Variants in JAKMIP2 observed in about 807,000 individuals in gnomAD.
JAKMIP2 encodes janus kinase and microtubule-interacting protein 2.
A neutral mutation model predicts 115.0 loss-of-function variants in JAKMIP2; 25 were observed. The observed-to-expected ratio is 0.22, with a 90% CI of 0.16 to 0.30. The LOEUF is 0.30. Among genes scored for constraint, JAKMIP2 ranks in the 10% least tolerant of loss-of-function variants. The probability of loss-of-function intolerance (pLI) is 1.00; values close to 1 mark genes in which losing one functional copy is unlikely to be tolerated. For missense variants in JAKMIP2, 642 were observed against 957.6 expected, an observed-to-expected ratio of 0.67 and a Z score of 4.35; for synonymous variants, 334 against 343.6, an observed-to-expected ratio of 0.97 and a Z score of 0.31.
At chr5:147,733,516 C>T (rs1753807036) in intron 1 of JAKMIP2, among the ~76,000 whole-genome samples, 1 of 152,080 alleles carries the variant, frequency 6.6e-6, no homozygotes, top group Non-Finnish European at 1.5e-5. Flanking sequence ...GCAGAACATG[C>T]AGGTTTGTTA....
chr5:147,688,273 C>G (rs967604539), intron 1 of JAKMIP2, among the ~76,000 whole-genome samples: 5 of 152,146 alleles, frequency 3.3e-5, no homozygotes, highest in Admixed American at 3.3e-4. Context: ...TAGGGCTTTT[C>G]ACTTAGAAAT....
rs117529403 is a variant in JAKMIP2, at chr5:147,672,689, C to T, written c.-148-735G>A. ...TATAAACAGTAAACTGTCTTTCCAC[C>T]TGGGTTGAATAAGAAAGGCTCGCTG... On this transcript the variant is annotated intron_variant, in intron 1 of 21. Coordinates refer to ENST00000616793, the MANE Select transcript of JAKMIP2 (RefSeq NM_001270941.2). 2.0e-5 allele frequency among the ~76,000 whole-genome samples: 3 copies of T among 152,100 alleles called. No homozygotes were observed. In the East Asian group the frequency reaches 5.8e-4, roughly 29 times the overall value.
intron 1 of JAKMIP2, among the ~76,000 whole-genome samples, chr5:147,732,237 A>C (rs1316651787): frequency 6.6e-6 from 1 of 151,886 alleles, no homozygotes; most frequent in Non-Finnish European, 1.5e-5. Context: ...CACTTAATAG[A>C]CTCTGTATAA....
intron 1 of JAKMIP2, among the ~76,000 whole-genome samples, chr5:147,757,446 C>T (rs1671543112): frequency 1.3e-5 from 2 of 152,010 alleles, no homozygotes; most frequent in African/African-American, 4.8e-5. Flanking sequence ...AAAAGACCTT[C>T]GAGAAGTAAT....
intron 1 of JAKMIP2, among the ~76,000 whole-genome samples, chr5:147,761,654 GC>G (rs1229656518): frequency 7.2e-5 from 11 of 152,226 alleles, no homozygotes; most frequent in African/African-American, 2.4e-4. Flanking sequence ...AAGTGGCTGG[GC>G]AAATATTCAA....
At chr5:147,617,374 G>C (rs998480851) in intron 19 of JAKMIP2, among the ~76,000 whole-genome samples, 2 of 151,852 alleles carry the variant, frequency 1.3e-5, no homozygotes, top group Admixed American at 6.5e-5. Flanking sequence ...TTACCTCATA[G>C]GGCTATTATG....
chr5:147,615,682 A>G (rs1157187816), intron 19 of JAKMIP2, among the ~76,000 whole-genome samples: 1 of 152,156 alleles, frequency 6.6e-6, no homozygotes, highest in African/African-American at 2.4e-5. Context: ...TAAAAATGCT[A>G]TTTATTATGA....
chr5:147,749,057 A>G (rs1363707074), intron 1 of JAKMIP2, among the ~76,000 whole-genome samples: 1 of 152,186 alleles, frequency 6.6e-6, no homozygotes, highest in African/African-American at 2.4e-5. Context: ...TTCCCACTTA[A>G]GAGATGAGAA....
At chr5:147,647,467 T>C (rs1405744643) in intron 5 of JAKMIP2, among the ~76,000 whole-genome samples, 1 of 151,990 alleles carries the variant, frequency 6.6e-6, no homozygotes, top group Non-Finnish European at 1.5e-5. Context: ...CCACAAGTGA[T>C]GATAAAAAAA....
chr5:147,674,794 C>T (rs1211368547), intron 1 of JAKMIP2, among the ~76,000 whole-genome samples: 2 of 152,214 alleles, frequency 1.3e-5, no homozygotes, highest in Non-Finnish European at 2.9e-5. Context: ...AGATTCAAAT[C>T]TAAGCAATCT....
At chr5:147,621,979 T>A (rs1756872601) in intron 17 of JAKMIP2, among the ~76,000 whole-genome samples, 1 of 152,198 alleles carries the variant, frequency 6.6e-6, no homozygotes, top group African/African-American at 2.4e-5. Context: ...GCGATTCTGC[T>A]GCCTCAGCTT....
At chr5:147,674,921 T>C (rs1441827403) in intron 1 of JAKMIP2, among the ~76,000 whole-genome samples, 2 of 152,158 alleles carry the variant, frequency 1.3e-5, no homozygotes, top group South Asian at 2.1e-4. Flanking sequence ...GCTGATTTAA[T>C]GGTCCATGTG....
chr5:147,625,495 A>T (rs146493096), intron 16 of JAKMIP2, among the ~76,000 whole-genome samples: 189 of 152,266 alleles, frequency 1.2e-3, no homozygotes, highest in African/African-American at 4.4e-3. Context: ...TCTGTCAATC[A>T]TGGGTTTTGT....
At chr5:147,699,021 A>G (rs1374434663) in intron 1 of JAKMIP2, among the ~76,000 whole-genome samples, 1 of 152,166 alleles carries the variant, frequency 6.6e-6, no homozygotes, top group Non-Finnish European at 1.5e-5. Context: ...AGATCTATTC[A>G]CTGCCTACCT....
intron 2 of JAKMIP2, among the ~76,000 whole-genome samples, chr5:147,666,313 A>G (rs1759296385): frequency 6.6e-6 from 1 of 152,190 alleles, no homozygotes; most frequent in Non-Finnish European, 1.5e-5. Flanking sequence ...TAAAATGAAT[A>G]TACAAAATTA....
intron 13 of JAKMIP2, 30 bp from the exon 14 acceptor site, chr5:147,631,541 T>G (rs750242142): frequency 4.2e-6 from 6 of 1,418,566 alleles, no homozygotes; most frequent in Non-Finnish European, 6.0e-6. Flanking sequence ...TATATGGAAA[T>G]TAAAAACAAA....
chr5:147,667,791 T>C (rs1328494212), intron 2 of JAKMIP2, among the ~76,000 whole-genome samples: 1 of 152,160 alleles, frequency 6.6e-6, no homozygotes, highest in African/African-American at 2.4e-5. Flanking sequence ...TAGGAAAATA[T>C]ACCCCATCCC....
At chr5:147,751,655 C>T (rs1190124956) in intron 1 of JAKMIP2, among the ~76,000 whole-genome samples, 1 of 152,020 alleles carries the variant, frequency 6.6e-6, no homozygotes, top group Non-Finnish European at 1.5e-5. Context: ...AAGCAGTGTG[C>T]GCTCAGCAAT....
intron 2 of JAKMIP2, among the ~76,000 whole-genome samples, chr5:147,665,443 G>C (rs1389694517): frequency 6.6e-6 from 1 of 152,200 alleles, no homozygotes; most frequent in Non-Finnish European, 1.5e-5. Flanking sequence ...CAGCTCAAGT[G>C]ATAGGAATTT....
Sources: gnomAD v4.1 joint callset for allele counts (sites outside exome capture counted in the v4.1 genomes callset) on GRCh38, gnomAD v4.1.1 for gene constraint, MANE v1.5 for transcripts, NCBI Gene and HGNC (gene_info 2026-07-23, HGNC 2026-07-21) for gene names.